Variants in NPAS3 observed in about 807,000 individuals in gnomAD.
NPAS3 encodes the protein neuronal PAS domain protein 3.
NPAS3 carries 14 observed loss-of-function variants against 73.1 expected under a neutral mutation model. The observed-to-expected ratio is 0.19, with a 90% CI of 0.13 to 0.30. The LOEUF is 0.30. Among genes scored for constraint, NPAS3 ranks in the 10% least tolerant of loss-of-function variants. The probability of loss-of-function intolerance (pLI) is 1.00; values close to 1 mark genes in which losing one functional copy is unlikely to be tolerated. For missense variants in NPAS3, 1,096 were observed against 1,250.0 expected, an observed-to-expected ratio of 0.88 and a Z score of 1.86; for synonymous variants, 620 against 541.5, an observed-to-expected ratio of 1.14 and a Z score of -2.01.
At chr14:33,460,903 G>A (rs1285111369) in intron 4 of NPAS3, among the ~76,000 whole-genome samples, 1 of 152,144 alleles carries the variant, frequency 6.6e-6, no homozygotes, top group Admixed American at 6.6e-5. Flanking sequence ...GAGAGGAGGA[G>A]GGTAACATTA....
chr14:33,336,991 A>G (rs2044258882), intron 3 of NPAS3, among the ~76,000 whole-genome samples: 1 of 152,146 alleles, frequency 6.6e-6, no homozygotes, highest in Non-Finnish European at 1.5e-5. Flanking sequence ...ATCTTTTGTC[A>G]GATATATGAT....
At position 33,077,774 on chromosome 14, in the gene NPAS3, G is replaced by GTTTTGTTTTTT. The variant is rs1555333250; in HGVS notation, c.140+21784_140+21785insGTTTTTTTTTT. On this transcript the variant is annotated intron_variant, in intron 2 of 11. Coordinates refer to ENST00000356141, the Ensembl canonical transcript of NPAS3. ...CTTTGCTCAAAACATTGCAGTAAGG[G>GTTTTGTTTTTT]TTTTTTTTTTTTTTTGCCCCTTTTG... is the stretch of plus-strand genomic sequence containing the variant. Among the ~76,000 whole-genome samples, 9 of 87,490 alleles carry GTTTTGTTTTTT rather than the reference G, an allele frequency of 1.0e-4. No individual in the cohort carries two copies. In the East Asian group the frequency reaches 2.6e-3, roughly 25 times the overall value. 57.4% of individuals were successfully genotyped at this position (87,490 alleles called of 152,430 possible). A position where few individuals can be genotyped will look rare whatever the true frequency, so the allele number is the denominator to read the frequency against.
At chr14:33,659,518 T>G (rs980482995) in intron 5 of NPAS3, among the ~76,000 whole-genome samples, 2 of 152,208 alleles carry the variant, frequency 1.3e-5, no homozygotes, top group African/African-American at 4.8e-5. Context: ...CTGGCTATCC[T>G]GGGAAGTCCC....
intron 3 of NPAS3, among the ~76,000 whole-genome samples, chr14:33,235,283 C>T (rs1233585222): frequency 4.6e-5 from 7 of 152,108 alleles, no homozygotes; most frequent in Non-Finnish European, 7.4e-5. Flanking sequence ...TTTACCTGCA[C>T]GCGTTAATTA....
At chr14:33,308,527 T>TATATATATATATATATATACACACACAC in intron 3 of NPAS3, among the ~76,000 whole-genome samples, 80 of 103,538 alleles carry the variant, frequency 7.7e-4, no homozygotes, top group African/African-American at 3.5e-3. Flanking sequence ...TATATATATA[T>TATATATATATATATATATACACACACAC]ACATACACAC....
intron 3 of NPAS3, among the ~76,000 whole-genome samples, chr14:33,264,769 T>C (rs2049109092): frequency 6.6e-6 from 1 of 152,140 alleles, no homozygotes; most frequent in Non-Finnish European, 1.5e-5. Flanking sequence ...CCTCTCCTTT[T>C]CTGAGCCATC....
intron 5 of NPAS3, among the ~76,000 whole-genome samples, chr14:33,616,548 A>G (rs1371340028): frequency 6.6e-6 from 1 of 152,204 alleles, no homozygotes; most frequent in Non-Finnish European, 1.5e-5. Flanking sequence ...CCTCACAGAA[A>G]GCAAGTGGTT....
chr14:33,224,654 C>A (rs182707549), intron 3 of NPAS3, among the ~76,000 whole-genome samples: 43 of 152,148 alleles, frequency 2.8e-4, no homozygotes, highest in African/African-American at 1.0e-3. Context: ...AATAAAGAGA[C>A]TTTTCTCTCT....
At chr14:33,539,574 G>A (rs564703194) in intron 4 of NPAS3, among the ~76,000 whole-genome samples, 1 of 152,072 alleles carries the variant, frequency 6.6e-6, no homozygotes, top group African/African-American at 2.4e-5. Flanking sequence ...TCATGTTGCT[G>A]TTACGGTACT....
At chr14:33,298,316 C>A (rs1277197580) in intron 3 of NPAS3, among the ~76,000 whole-genome samples, 1 of 152,156 alleles carries the variant, frequency 6.6e-6, no homozygotes, top group Non-Finnish European at 1.5e-5. Context: ...GCACTTCCTG[C>A]AGTGAAAGGT....
intron 1 of NPAS3, among the ~76,000 whole-genome samples, chr14:33,035,088 T>A (rs762201616): frequency 2.6e-5 from 4 of 152,192 alleles, no homozygotes; most frequent in Non-Finnish European, 5.9e-5. Context: ...TTTGCAGACA[T>A]CTAATGAAAG....
exon 12 of NPAS3, chr14:33,799,750 C>T (rs753496569): frequency 6.3e-7 from 1 of 1,575,934 alleles, no homozygotes; most frequent in Middle Eastern, 1.7e-4. Context: ...ACGAGAACTC[C>T]AAGTCCGACG....
chr14:33,166,660 G>T (rs925390328), intron 2 of NPAS3, among the ~76,000 whole-genome samples: 3 of 152,122 alleles, frequency 2.0e-5, no homozygotes, highest in Non-Finnish European at 4.4e-5. Flanking sequence ...AGGCCCCTTT[G>T]ATAGACATAT....
chr14:33,166,062 A>G (rs941581804), intron 2 of NPAS3, among the ~76,000 whole-genome samples: 7 of 152,156 alleles, frequency 4.6e-5, no homozygotes, highest in African/African-American at 7.2e-5. Context: ...ATGCCTCCCC[A>G]TGTGCTTCCA....
chr14:33,220,135 T>C (rs2047370361), intron 3 of NPAS3, among the ~76,000 whole-genome samples: 1 of 152,248 alleles, frequency 6.6e-6, no homozygotes, highest in African/African-American at 2.4e-5. Flanking sequence ...CCTTAGCTTC[T>C]GAGCAGGAGC....
In NPAS3 at chr14:33,720,891, A is replaced by G. The variant is rs116809942; in HGVS notation, c.734-14323A>G. 6.6e-3 allele frequency among the ~76,000 whole-genome samples: 1,005 copies of G among 152,280 alleles called. 9 individuals are homozygous for G. The highest frequency in any genetic ancestry group is 0.022 in the African/African-American group (925 of 41,560). On this transcript the variant is annotated intron_variant, in intron 6 of 11. Coordinates refer to ENST00000356141, the Ensembl canonical transcript of NPAS3. ...TGGGGTGATCTTCAGACTTCAGGAA[A>G]AAAAATAACAGCCTGGGCTCTTGGG...
intron 6 of NPAS3, among the ~76,000 whole-genome samples, chr14:33,703,362 C>T (rs918484386): frequency 6.6e-6 from 1 of 151,938 alleles, no homozygotes; most frequent in African/African-American, 2.4e-5. Context: ...GGCTTAGTGG[C>T]ATGTACCTAT....
intron 4 of NPAS3, among the ~76,000 whole-genome samples, chr14:33,378,043 C>A (rs1011646677): frequency 6.6e-6 from 1 of 152,114 alleles, no homozygotes; most frequent in Admixed American, 6.6e-5. Context: ...ATCACTTATT[C>A]CTGGATTTGA....
chr14:32,982,206 T>G (rs548081558), intron 1 of NPAS3, among the ~76,000 whole-genome samples: 5 of 152,250 alleles, frequency 3.3e-5, no homozygotes, highest in South Asian at 2.1e-4. Flanking sequence ...CAAGAGAGCT[T>G]GAGAGAAGAA....
Sources: allele counts gnomAD v4.1 joint callset (sites outside exome capture counted in the v4.1 genomes callset), GRCh38; gene constraint gnomAD v4.1.1; transcripts MANE v1.5; gene names NCBI Gene and HGNC (gene_info 2026-07-23, HGNC 2026-07-21).